Variants in JAG2 observed in about 807,000 individuals in gnomAD.
JAG2 encodes the protein jagged canonical Notch ligand 2.
A neutral mutation model predicts 141.7 loss-of-function variants in JAG2; 46 were observed. That is an observed-to-expected ratio of 0.32 (90% CI 0.26 to 0.42). The LOEUF (loss-of-function observed/expected upper bound fraction) is 0.42, where lower values mean the gene tolerates loss of function less well. JAG2 is among the 10% of genes least tolerant of loss of function. The probability of loss-of-function intolerance (pLI) is 1.00; values close to 1 mark genes in which losing one functional copy is unlikely to be tolerated. For missense variants in JAG2, 1,500 were observed against 1,817.5 expected (o/e 0.83, Z 3.18); for synonymous variants, 862 against 763.5 (o/e 1.13, Z -2.13).
intron 10 of JAG2, 24 bp from the exon 11 acceptor site, chr14:105,150,935 G>A (rs763672938): frequency 6.3e-7 from 1 of 1,594,388 alleles, no homozygotes; most frequent in Admixed American, 1.7e-5. Flanking sequence ...AGCAGGGTCA[G>A]AGGCGGGGTC....
rs746502121 is a variant in JAG2 at position 105,157,763 on chromosome 14, G to A, written c.418C>T (p.Arg140Cys). Residue 140 changes from arginine to cysteine, a missense_variant and splice_region_variant, in exon 3 of 26, where the codon CGC (arginine) becomes TGC (cysteine). Coordinates refer to ENST00000331782, the MANE Select transcript of JAG2 (RefSeq NM_002226.5). ...GCCTCCACGATGAGGGTAAAGGAGC[G>A]CTGCAGACATGGGGAGGCGGGTCAG... is the stretch of plus-strand genomic sequence containing the variant. The part of the protein sequence containing the change: ...VVIPFQFAWP[R>C]SFTLIVEAWD... 58 of 1,575,922 alleles carry A rather than the reference G, an allele frequency of 3.7e-5. No homozygotes were observed. The highest frequency in any genetic ancestry group is 4.5e-5 in the Non-Finnish European group (52 of 1,162,670).
At chr14:105,151,563 G>A in intron 8 of JAG2, 63 bp downstream of exon 8, 1 of 1,420,874 alleles carries the variant, frequency 7.0e-7, no homozygotes, top group Non-Finnish European at 9.8e-7. Flanking sequence ...CCAGCGAGTT[G>A]CCCCACTCCC....
chr14:105,163,540 G>A (rs1022514603), intron 2 of JAG2, among the ~76,000 whole-genome samples: 1 of 151,982 alleles, frequency 6.6e-6, no homozygotes, highest in African/African-American at 2.4e-5. Flanking sequence ...GTGGGGATAG[G>A]AATCCCGCTC....
Position 105,143,024 on chromosome 14 carries a change from G to C in JAG2, c.3388C>G (p.Pro1130Ala), listed in dbSNP as rs1477030485. 6.2e-7 allele frequency: 1 copy of C among 1,606,026 alleles called. No homozygotes were observed. The highest frequency in any genetic ancestry group is 1.7e-5 in the Admixed American group (1 of 59,992). The change falls in exon 26 of 26, where the codon CCG (proline) becomes GCG (alanine). Residue 1130 changes from proline (P) to alanine (A), a missense_variant. This residue lies in a region of JAG2 where 425 missense variants were observed against 441.0 expected (regional missense o/e 0.96). Transcript: ENST00000331782. ...REESANNQWA[P>A]LNPIRNPIER... The stretch of plus-strand genomic sequence containing the variant: ...ATGGGGTTGCGGATGGGGTTGAGCG[G>C]GGCCCACTGGTTGTTGGCGCTCTCC...
At chr14:105,158,405 C>T (rs1477568434) in intron 2 of JAG2, among the ~76,000 whole-genome samples, 1 of 152,164 alleles carries the variant, frequency 6.6e-6, no homozygotes, top group Non-Finnish European at 1.5e-5. Context: ...GTTGGGGAAA[C>T]TGAGGCCAAG....
In JAG2 at chr14:105,151,677, C is replaced by T. The variant is rs199655385; in HGVS notation, c.1102G>A (p.Gly368Ser). 8.7e-6 allele frequency: 14 copies of T among 1,611,472 alleles called. No individual in the cohort carries two copies. The highest frequency in any genetic ancestry group is 2.2e-5 in the East Asian group (1 of 44,832). ...NGGSCHEVPSGFECHCPSGWS... is the reference protein window; with the variant it reads ...NGGSCHEVPSSFECHCPSGWS... ...CCCGATGGGCAGTGGCATTCGAAGC[C>T]GGACGGCACCTCATGGCAAGAGCCC... Residue 368 changes from glycine to serine, a missense_variant, in exon 8 of 26, where the codon GGC (glycine) becomes AGC (serine). This residue lies in a region of JAG2 where 875 missense variants were observed against 1,202.2 expected (regional missense o/e 0.73). Coordinates refer to ENST00000331782, the MANE Select transcript of JAG2 (RefSeq NM_002226.5).
At position 105,167,564 on chromosome 14, in the gene JAG2, GGCCCCGGC is replaced by G. The variant is rs1888957167; in HGVS notation, c.417+185_417+192del. Among the ~76,000 whole-genome samples the G allele has an allele frequency of 6.8e-6, 1 of 147,056 alleles. No individual in the cohort carries two copies. Among genetic ancestry groups the G allele is most frequent in the Non-Finnish European group, 1.5e-5 (1 of 66,042 alleles). On this transcript the variant is annotated intron_variant, in intron 2 of 25. Coordinates refer to ENST00000331782, the MANE Select transcript of JAG2 (RefSeq NM_002226.5). The surrounding 1 kb of genome is among the most constrained non-coding windows in gnomAD (Gnocchi z 4.8). ...GCGACCCCGCTCCCGGTGGCCCCGG[GGCCCCGGC>G]GCGCCCACGTGGCCAGGCGCGGACC...
At chr14:105,161,601 T>C (rs955448245) in intron 2 of JAG2, among the ~76,000 whole-genome samples, 2 of 152,006 alleles carry the variant, frequency 1.3e-5, no homozygotes, top group Non-Finnish European at 2.9e-5. Flanking sequence ...TACACCTGGA[T>C]GGCAGGAAGT....
In JAG2 at chr14:105,142,558, T is replaced by C; in HGVS notation, c.*137A>G. 3 of 641,148 alleles carry C rather than the reference T, an allele frequency of 4.7e-6. No individual in the cohort carries two copies. The highest frequency in any genetic ancestry group is 5.5e-5 in the East Asian group (2 of 36,186). The allele number at this position is 641,148 out of a possible 1,614,324, so 39.7% of individuals were successfully genotyped here. Reference sequence around the variant, plus strand: ...TACAAGGTTAAAGAAACGTAGAAAATAAACATTTGGTTTTTGTTTTTGGTG... The same window carrying C: ...TACAAGGTTAAAGAAACGTAGAAAACAAACATTTGGTTTTTGTTTTTGGTG... On this transcript the variant is annotated 3_prime_UTR_variant, in exon 26 of 26. Coordinates refer to ENST00000331782, the MANE Select transcript of JAG2 (RefSeq NM_002226.5).
In JAG2 at chr14:105,150,869, C is replaced by T; in HGVS notation, c.1424G>A (p.Cys475Tyr). The T allele has an allele frequency of 6.3e-7, 1 of 1,587,090 alleles. No homozygotes were observed. Among genetic ancestry groups the T allele is most frequent in the South Asian group, 1.1e-5 (1 of 87,678 alleles). Reference protein sequence around the residue: ...CRGQCQHGGTCKDLVNGYQCV... With the variant: ...CRGQCQHGGTYKDLVNGYQCV... ...ACCCTCCTGGCCCCGCCTCACCTTG[C>T]AGGTGCCCCCATGCTGACACTGCCC... The change falls in exon 11 of 26, where the codon TGC becomes TAC. Residue 475 changes from cysteine to tyrosine, a missense_variant. Cys to Tyr is a radical substitution (Grantham distance 194, BLOSUM62 -2). Around this residue, in one of 3 missense-constraint regions of JAG2, gnomAD observed 875 missense variants for 1,202.2 expected, o/e 0.73. Coordinates refer to ENST00000331782, the MANE Select transcript of JAG2 (RefSeq NM_002226.5).
chr14:105,151,726 G>A lies in JAG2; in HGVS notation c.1053C>T (p.Cys351=), dbSNP rs377080908. The A allele has an allele frequency of 3.1e-6, 5 of 1,609,982 alleles. No homozygotes were observed. In the African/African-American group the frequency reaches 5.3e-5, roughly 17 times the overall value. ...CCCCGTTGGCACACGGGTTGGAGGT[G>A]CAGGCGTGCTCAGCTGTAGAACCGC... ...GRNCEKAEHA[C]TSNPCANGGS... The change falls in exon 8 of 26, where the codon TGC becomes TGT. Residue 351 remains cysteine (C), a synonymous_variant. Transcript: ENST00000331782.
chr14:105,145,657 C>A (rs1027498932), intron 23 of JAG2, 74 bp downstream of exon 23: 2 of 1,536,020 alleles, frequency 1.3e-6, no homozygotes, highest in African/African-American at 1.4e-5. Flanking sequence ...CCCTGCGGGG[C>A]TAGGCTTTCG....
At chr14:105,165,956 C>T (rs935426477) in intron 2 of JAG2, among the ~76,000 whole-genome samples, 1 of 152,208 alleles carries the variant, frequency 6.6e-6, no homozygotes, top group Non-Finnish European at 1.5e-5. Context: ...CGCCCGAGTG[C>T]AAATACCAGG....
intron 2 of JAG2, among the ~76,000 whole-genome samples, chr14:105,158,674 C>A (rs587768939): frequency 1.3e-5 from 2 of 152,208 alleles, no homozygotes; most frequent in African/African-American, 4.8e-5. Flanking sequence ...AGCCTCTCAG[C>A]CCTCACTGCC....
chr14:105,147,896 G>T lies in JAG2; in HGVS notation c.2249-8C>A, dbSNP rs376316136. 1.8e-4 allele frequency: 281 copies of T among 1,544,956 alleles called. No individual in the cohort carries two copies. The African/African-American group carries it at 3.2e-3, about 18-fold the overall frequency. ...GGCAGCTGCTGTTCTTGGCTGTAAG[G>T]AGAGGAGGAGGAGGGAGCGTCTCAC... On this transcript the variant is annotated splice_region_variant and splice_polypyrimidine_tract_variant and intron_variant, in intron 17 of 25. Coordinates refer to ENST00000331782, the MANE Select transcript of JAG2 (RefSeq NM_002226.5).
intron 24 of JAG2, 71 bp downstream of exon 24, chr14:105,144,859 C>T (rs1888174008): frequency 6.4e-7 from 1 of 1,560,742 alleles, no homozygotes; most frequent in Non-Finnish European, 8.6e-7. Context: ...AGCCTCTGTC[C>T]AGCATAGCCA....
At chr14:105,162,763 G>A in intron 2 of JAG2, among the ~76,000 whole-genome samples, 1 of 116,638 alleles carries the variant, frequency 8.6e-6, no homozygotes, top group African/African-American at 3.8e-5. Context: ...GCACCCCATG[G>A]CCCAGTGTAC....
chr14:105,167,639 T>A lies in JAG2; in HGVS notation c.417+118A>T, dbSNP rs1888959954. 8.7e-7 allele frequency: 1 copy of A among 1,151,316 alleles called. No homozygotes were observed. The highest frequency in any genetic ancestry group is 1.6e-5 in the African/African-American group (1 of 60,788). The allele number at this position is 1,151,316 out of a possible 1,614,324, so 71.3% of individuals were successfully genotyped here. A position where few individuals can be genotyped will look rare whatever the true frequency, so the allele number is the denominator to read the frequency against. ...CGCCCCCTGCCGGCCCCGCCCCGCCTGGGCGCGCGCGGCTCGCACGCAGAC... is the reference window on the plus strand; with the variant it reads ...CGCCCCCTGCCGGCCCCGCCCCGCCAGGGCGCGCGCGGCTCGCACGCAGAC... On this transcript the variant is annotated intron_variant, in intron 2 of 25. Transcript: ENST00000331782. This position sits in a 1 kb window ranked among gnomAD's most constrained non-coding sequence, Gnocchi z 4.8.
In JAG2 at chr14:105,155,971, CGCTCGATCAGCA is replaced by C; in HGVS notation, c.482_493del (p.Leu161_Glu164del). On this transcript the variant is annotated inframe_deletion, in exon 4 of 26. Transcript: ENST00000331782. ...GTTGATCATGCCGGCATGCGACACTCGCTCGATCAGCAGCTCCTCTTGGGGAGGCGGCAGAGT... is the reference window on the plus strand; with the variant it reads ...GTTGATCATGCCGGCATGCGACACTCGCTCCTCTTGGGGAGGCGGCAGAGT... 1 of 1,606,374 alleles carries C rather than the reference CGCTCGATCAGCA, an allele frequency of 6.2e-7. No homozygotes were observed. Among genetic ancestry groups the C allele is most frequent in the Non-Finnish European group, 8.5e-7 (1 of 1,179,378 alleles).
Sources: allele counts gnomAD v4.1 joint callset (sites outside exome capture counted in the v4.1 genomes callset), GRCh38; gene constraint gnomAD v4.1.1; regional missense constraint gnomAD v4.1.1; non-coding constraint Gnocchi (gnomAD v3.1); transcripts MANE v1.5; gene names NCBI Gene and HGNC (gene_info 2026-07-23, HGNC 2026-07-21).